The following NLRP13 variants were observed in gnomAD, a reference collection of about 807,000 sequenced individuals.
The protein encoded by NLRP13 is NACHT, LRR and PYD domains-containing protein 13.
A neutral mutation model predicts 94.4 loss-of-function variants in NLRP13; 82 were observed. The observed-to-expected ratio is 0.87, with a 90% CI of 0.73 to 1.04. The LOEUF is 1.04. Ranked by LOEUF, NLRP13 falls within the 50% of genes least tolerant of loss-of-function variation. NLRP13 has a pLI of 0.00. For missense variants in NLRP13, 1,426 were observed against 1,230.8 expected, an observed-to-expected ratio of 1.16 and a Z score of -2.37; for synonymous variants, 553 against 464.7, an observed-to-expected ratio of 1.19 and a Z score of -2.45.
chr19:55,904,235 G>A (rs546997040), intron 8 of NLRP13, among the ~76,000 whole-genome samples: 2 of 152,242 alleles, frequency 1.3e-5, no homozygotes, highest in African/African-American at 4.8e-5. Context: ...TGGGATTATA[G>A]GCACCATGCC....
chr19:55,915,590 T>G (rs1019575112), intron 4 of NLRP13, among the ~76,000 whole-genome samples: 3 of 152,138 alleles, frequency 2.0e-5, no homozygotes, highest in African/African-American at 7.2e-5. Flanking sequence ...GGGGCAAGAC[T>G]CTGTCTCAAA....
downstream of NLRP13, chr19:55,891,918 T>C (rs1252866594): frequency 2.7e-5 from 11 of 401,456 alleles, no homozygotes; most frequent in African/African-American, 6.2e-5. Context: ...AATGGTGACA[T>C]TGGAGCGACA....
chr19:55,902,480 G>T (rs888373250), intron 8 of NLRP13, among the ~76,000 whole-genome samples: 5 of 152,072 alleles, frequency 3.3e-5, no homozygotes, highest in African/African-American at 4.8e-5. Flanking sequence ...AACTTTCAAG[G>T]CTCCAAGGCT....
At chr19:55,909,065 C>A (rs972452566) in intron 6 of NLRP13, among the ~76,000 whole-genome samples, 2 of 152,156 alleles carry the variant, frequency 1.3e-5, no homozygotes, top group Non-Finnish European at 2.9e-5. Flanking sequence ...AGGCTTTAGA[C>A]CTTGAAAAGT....
chr19:55,912,109 G>C lies in NLRP13; in HGVS notation c.1708C>G (p.Leu570Val), dbSNP rs1382988950. 6.2e-7 allele frequency: 1 copy of C among 1,614,068 alleles called. No homozygotes were observed. The highest frequency in any genetic ancestry group is 8.5e-7 in the Non-Finnish European group (1 of 1,180,042). ...STKPQEMKML[L>V]QHVLLDKEAY... ...TCTTTGTCAAGCAAGACGTGTTGCAGTAACATCTTCATCTCTTGTGGCTTT... is the reference window on the plus strand; with the variant it reads ...TCTTTGTCAAGCAAGACGTGTTGCACTAACATCTTCATCTCTTGTGGCTTT... Residue 570 changes from leucine (L) to valine (V), a missense_variant, in exon 5 of 11, where the codon CTG becomes GTG. Physicochemically the swap from Leu to Val is conservative, Grantham distance 32. Transcript: ENST00000342929.
chr19:55,905,454 C>CAT (rs1568690257), intron 7 of NLRP13, among the ~76,000 whole-genome samples: 1 of 148,848 alleles, frequency 6.7e-6, no homozygotes, highest in African/African-American at 2.5e-5. Flanking sequence ...TATATATATA[C>CAT]ATATATACAC....
chr19:55,931,881 A>G, intron 1 of NLRP13, 112 bp downstream of exon 1: 1 of 855,856 alleles, frequency 1.2e-6, no homozygotes, highest in East Asian at 2.5e-5. Flanking sequence ...ATCAAGGAGG[A>G]TTTGTAGGGG....
intron 1 of NLRP13, among the ~76,000 whole-genome samples, chr19:55,929,650 G>A (rs539440597): frequency 1.3e-5 from 2 of 152,218 alleles, no homozygotes; most frequent in South Asian, 2.1e-4. Flanking sequence ...GGGAGGGATA[G>A]TATTAGAAGA....
chr19:55,928,360 T>G (rs1400865828), intron 1 of NLRP13, among the ~76,000 whole-genome samples: 1 of 152,206 alleles, frequency 6.6e-6, no homozygotes, highest in Non-Finnish European at 1.5e-5. Flanking sequence ...AAATATCTCA[T>G]GTACCCCATA....
intron 6 of NLRP13, 135 bp from the exon 7 acceptor site, chr19:55,908,091 G>C: frequency 1.3e-6 from 1 of 752,118 alleles, no homozygotes. Flanking sequence ...TTAAAAACAA[G>C]GGCTGAGCCA....
intron 1 of NLRP13, among the ~76,000 whole-genome samples, chr19:55,927,670 T>TAA (rs199806233): frequency 5.3e-5 from 8 of 151,818 alleles, no homozygotes; most frequent in African/African-American, 1.9e-4. Flanking sequence ...CGCTTTCAGA[T>TAA]AAAAAAAACT....
intron 1 of NLRP13, among the ~76,000 whole-genome samples, chr19:55,930,480 G>A (rs1464602718): frequency 6.6e-6 from 1 of 152,072 alleles, no homozygotes; most frequent in African/African-American, 2.4e-5. Context: ...GAGGTCAGAA[G>A]TTTGAGACCA....
intron 9 of NLRP13, 140 bp from the exon 10 acceptor site, chr19:55,899,077 T>TGCGAGTCAGGAGGGC: frequency 1.1e-6 from 1 of 882,472 alleles, no homozygotes; most frequent in Non-Finnish European, 1.7e-6. Context: ...AGGAGGAGGG[T>TGCGAGTCAGGAGGGC]GCGAGTCAGG....
chr19:55,896,427 CAGG>C (rs1986011713), intron 10 of NLRP13, among the ~76,000 whole-genome samples: 2 of 149,024 alleles, frequency 1.3e-5, no homozygotes, highest in Admixed American at 1.4e-4. Context: ...GAGGCTGAGG[CAGG>C]AGAATCGCTT....
At chr19:55,930,028 G>T (rs1034102360) in intron 1 of NLRP13, among the ~76,000 whole-genome samples, 22 of 152,106 alleles carry the variant, frequency 1.4e-4, no homozygotes, top group Admixed American at 6.5e-5. Context: ...GGGTGGAGTG[G>T]TGTTCTAGTC....
intron 8 of NLRP13, among the ~76,000 whole-genome samples, chr19:55,903,548 G>A (rs953729960): frequency 6.6e-6 from 1 of 152,112 alleles, no homozygotes; most frequent in African/African-American, 2.4e-5. Flanking sequence ...CTAGATTCCC[G>A]CAGTCCTGCC....
Position 55,932,016 on chromosome 19 carries a change from TCA to T in NLRP13, c.294_295del (p.Cys98Ter), listed in dbSNP as rs1264730204. ...ACCTTTCATCTCGGCTCTAACTTTC[TCA>T]CACAGTGAGGTCAGATTCATTGTCT... On this transcript the variant is annotated stop_gained and frameshift_variant, in exon 1 of 11. Coordinates refer to ENST00000342929, the MANE Select transcript of NLRP13 (RefSeq NM_176810.2). LOFTEE classifies it high-confidence loss of function. The T allele has an allele frequency of 4.3e-6, 7 of 1,613,672 alleles. No individual in the cohort carries two copies. The highest frequency in any genetic ancestry group is 1.3e-5 in the African/African-American group (1 of 74,916).
At chr19:55,929,129 A>C (rs1987041594) in intron 1 of NLRP13, among the ~76,000 whole-genome samples, 1 of 152,234 alleles carries the variant, frequency 6.6e-6, no homozygotes, top group South Asian at 2.1e-4. Flanking sequence ...CAGGAAACAG[A>C]TGCTGGAGAG....
chr19:55,930,442 T>C lies in NLRP13; in HGVS notation c.319+1551A>G, dbSNP rs375146810. Among the ~76,000 whole-genome samples, 6 of 152,170 alleles carry C rather than the reference T, an allele frequency of 3.9e-5. No individual in the cohort carries two copies. In the East Asian group the frequency reaches 1.2e-3, roughly 29 times the overall value. ...GGCTCACGCCTGTAATCCCAGAATT[T>C]TGGGAGGCTGAGGCAGGCAAATCAC... On this transcript the variant is annotated intron_variant, in intron 1 of 10. Coordinates refer to ENST00000342929, the MANE Select transcript of NLRP13 (RefSeq NM_176810.2).
Sources: gnomAD v4.1 joint callset for allele counts (sites outside exome capture counted in the v4.1 genomes callset) on GRCh38, gnomAD v4.1.1 for gene constraint, MANE v1.5 for transcripts, NCBI Gene and HGNC (gene_info 2026-07-23, HGNC 2026-07-21) for gene names.